SYNE1: variants seen among roughly 807,000 people sequenced by gnomAD.
SYNE1 encodes the protein nesprin-1.
In SYNE1, 616 loss-of-function variants were observed where a neutral mutation model predicts 1,111.0. The observed-to-expected ratio is 0.55, with a 90% CI of 0.52 to 0.59. The LOEUF is 0.59. Ranked by LOEUF, SYNE1 falls within the 20% of genes least tolerant of loss-of-function variation. The pLI is 0.00. For missense variants in SYNE1, 10,006 were observed against 10,417.0 expected (o/e 0.96, Z 1.72); for synonymous variants, 3,855 against 3,825.8 (o/e 1.01, Z -0.28).
chr6:152,235,392 G>A (rs971342846), intron 110 of SYNE1, among the ~76,000 whole-genome samples: 3 of 152,122 alleles, frequency 2.0e-5, no homozygotes, highest in East Asian at 1.9e-4. Flanking sequence ...ATGGAGTTTC[G>A]CTCTTGTTGC....
intron 73 of SYNE1, among the ~76,000 whole-genome samples, chr6:152,345,801 T>C (rs928262154): frequency 1.1e-4 from 16 of 152,324 alleles, no homozygotes; most frequent in African/African-American, 3.6e-4. Flanking sequence ...CCTATTTTAG[T>C]AAGTTTTTGT....
chr6:152,579,548 G>T (rs561366773), intron 3 of SYNE1, among the ~76,000 whole-genome samples: 1 of 152,208 alleles, frequency 6.6e-6, no homozygotes, highest in Admixed American at 6.5e-5. Context: ...TTCAGGGGGT[G>T]CATGTACAGG....
chr6:152,503,321 A>G (rs942692966), intron 9 of SYNE1, among the ~76,000 whole-genome samples: 1 of 152,174 alleles, frequency 6.6e-6, no homozygotes, highest in Non-Finnish European at 1.5e-5. Flanking sequence ...CATTCTCTCC[A>G]AATTACAGTG....
chr6:152,268,917 A>G (rs1159257183), intron 99 of SYNE1, among the ~76,000 whole-genome samples: 1 of 152,248 alleles, frequency 6.6e-6, no homozygotes, highest in East Asian at 1.9e-4. Flanking sequence ...GAGCCATGTT[A>G]CACTATTTGT....
chr6:152,237,701 A>C (rs1195934739), intron 108 of SYNE1, among the ~76,000 whole-genome samples: 1 of 152,244 alleles, frequency 6.6e-6, no homozygotes, highest in Non-Finnish European at 1.5e-5. Context: ...CGAGTAAACA[A>C]ATCAATTACA....
Position 152,353,656 on chromosome 6 carries a change from T to C in SYNE1, c.11015A>G (p.Asn3672Ser). Residue 3672 changes from asparagine to serine, a missense_variant, in exon 68 of 146, where the codon AAC (asparagine) becomes AGC (serine). Asn to Ser is a conservative substitution (Grantham distance 46). Coordinates refer to ENST00000367255, the MANE Select transcript of SYNE1 (RefSeq NM_182961.4). ...GGTGGCCTGGCAACCCATTCTGCTG[T>C]TCACGTGGCTCTCGTCCAGTATCTC... ...AQEILDESHV[N>S]SRMGCQATQL... The C allele has an allele frequency of 6.2e-7, 1 of 1,614,204 alleles. No homozygotes were observed. The highest frequency in any genetic ancestry group is 8.5e-7 in the Non-Finnish European group (1 of 1,180,046).
chr6:152,254,050 T>C (rs1588817297), intron 104 of SYNE1, among the ~76,000 whole-genome samples: 1 of 151,456 alleles, frequency 6.6e-6, no homozygotes, highest in African/African-American at 2.4e-5. Context: ...TATATATTCA[T>C]AGGAAAAGTT....
intron 105 of SYNE1, 129 bp from the exon 106 acceptor site, chr6:152,244,785 C>A (rs1186914087): frequency 3.9e-6 from 5 of 1,279,160 alleles, no homozygotes; most frequent in Non-Finnish European, 4.5e-6. Context: ...CAAAAGGAAT[C>A]ATTTCAATAA....
rs568512911 is a variant in SYNE1, at chr6:152,401,152, A to G, written c.7015T>C (p.Leu2339=). The G allele has an allele frequency of 2.7e-5, 44 of 1,614,082 alleles. 1 individual carries two copies. The South Asian group carries it at 4.7e-4, about 17-fold the overall frequency. Residue 2339 remains leucine, a synonymous_variant, in exon 47 of 146, where the codon TTG becomes CTG. Coordinates refer to ENST00000367255, the MANE Select transcript of SYNE1 (RefSeq NM_182961.4). ...NCAQNETCEA[L]KKVKDIQKEL... ...TTATTACCTACCTTGACTTTTTTCAATGCTTCACAAGTCTCATTTTGGGCA... is the reference window on the plus strand; with the variant it reads ...TTATTACCTACCTTGACTTTTTTCAGTGCTTCACAAGTCTCATTTTGGGCA...
In SYNE1 at chr6:152,214,989, G is replaced by C; in HGVS notation, c.22263C>G (p.Pro7421=). The C allele has an allele frequency of 1.9e-6, 3 of 1,614,072 alleles. No homozygotes were observed. The highest frequency in any genetic ancestry group is 1.1e-5 in the South Asian group (1 of 91,076). The change falls in exon 122 of 146, where the codon CCC becomes CCG. Residue 7421 remains proline, a synonymous_variant. Transcript: ENST00000367255. ...DRLNELGYRL[P]LNDKEIKRMQ... ...TTCTTTTGATTTCCTTATCATTCAA[G>C]GGTAACCTATATCCAAGCTCATTTA... is the stretch of plus-strand genomic sequence containing the variant.
In SYNE1 at chr6:152,510,320, C is replaced by T. The variant is rs750659947; in HGVS notation, c.454G>A (p.Ala152Thr). The change falls in exon 8 of 146, where the codon GCA becomes ACA. Residue 152 changes from alanine to threonine, a missense_variant. Ala to Thr is a moderately conservative substitution (Grantham distance 58). Coordinates refer to ENST00000367255, the MANE Select transcript of SYNE1 (RefSeq NM_182961.4). ...CTAACTATGCTGTCCACGGAGGATG[C>T]GCTGCTGGACAAAGACTGGAGCTGG... ...LPQLQSLSSS[A>T]SSVDSIVSSE... The T allele has an allele frequency of 1.9e-5, 30 of 1,613,740 alleles. No individual in the cohort carries two copies. Among genetic ancestry groups the T allele is most frequent in the African/African-American group, 2.7e-5 (2 of 74,846 alleles).
chr6:152,204,255 C>T (rs561973392), intron 126 of SYNE1, among the ~76,000 whole-genome samples: 33 of 151,518 alleles, frequency 2.2e-4, no homozygotes, highest in Non-Finnish European at 4.4e-4. Context: ...ATCCCACCTA[C>T]TTGAGAGGCT....
chr6:152,164,477 T>C (rs568803637), intron 130 of SYNE1, 152 bp from the exon 131 acceptor site: 5 of 899,866 alleles, frequency 5.6e-6, no homozygotes, highest in Non-Finnish European at 8.5e-6. Context: ...CAAAGGAGGA[T>C]AGAAATTAGA....
At position 152,330,182 on chromosome 6, in the gene SYNE1, C is replaced by A; in HGVS notation, c.14503G>T (p.Val4835Leu). The A allele has an allele frequency of 1.2e-6, 2 of 1,614,206 alleles. No homozygotes were observed. Among genetic ancestry groups the A allele is most frequent in the Non-Finnish European group, 1.7e-6 (2 of 1,180,042 alleles). The change falls in exon 78 of 146, where the codon GTA (valine) becomes TTA (leucine). Residue 4835 changes from valine to leucine, a missense_variant. Val to Leu is a conservative substitution (Grantham distance 32, BLOSUM62 1). Around this residue, in one of 7 missense-constraint regions of SYNE1, gnomAD observed 4,955 missense variants for 5,017.2 expected, o/e 0.99. Transcript: ENST00000367255. ...GCAAGATCTTCAAGATGTATGGTTA[C>A]TCGTTTCAGTACAATCCCTGAGTCC... Reference protein sequence around the residue: ...LQDSGIVLKRVTIHLEDLAPH... With the variant: ...LQDSGIVLKRLTIHLEDLAPH...
rs767722883 is a variant in SYNE1, at chr6:152,143,770, G to A, written c.24977-5C>T. 7.9e-5 allele frequency: 127 copies of A among 1,614,014 alleles called. No individual in the cohort carries two copies. Among genetic ancestry groups the A allele is most frequent in the African/African-American group, 1.7e-4 (13 of 74,900 alleles). On this transcript the variant is annotated splice_polypyrimidine_tract_variant and splice_region_variant and intron_variant, in intron 137 of 145. Transcript: ENST00000367255. ...ACTCTAGGGCACTGTGGTCCCCTGC[G>A]GTGGCAACCATAAGAATCTTTACTG...
At chr6:152,636,469 C>T (rs1161078863) in intron 2 of SYNE1, among the ~76,000 whole-genome samples, 169 bp downstream of exon 2, 3 of 152,272 alleles carry the variant, frequency 2.0e-5, no homozygotes, top group East Asian at 1.9e-4. Context: ...ATGAGTATCG[C>T]ACACGTACAC....
Position 152,352,266 on chromosome 6 carries a change from C to T in SYNE1, c.11341G>A (p.Gly3781Ser), listed in dbSNP as rs1210388961. ...GERAVKYLEE[G>S]EAERLRKEIH... ...TCCTTTCTTAACCTCTCTGCCTCGC[C>T]TTCCTCCAAGTATTTAACAGCCCTC... Residue 3781 changes from glycine to serine, a missense_variant, in exon 70 of 146, where the codon GGC (glycine) becomes AGC (serine). By Grantham distance (56) the Gly-to-Ser change is moderately conservative. Transcript: ENST00000367255. 2 of 1,614,176 alleles carry T rather than the reference C, an allele frequency of 1.2e-6. No individual in the cohort carries two copies. The highest frequency in any genetic ancestry group is 2.2e-5 in the South Asian group (2 of 91,074).
At chr6:152,629,546 G>A (rs2099694027) in intron 2 of SYNE1, among the ~76,000 whole-genome samples, 1 of 112,782 alleles carries the variant, frequency 8.9e-6, no homozygotes, top group Non-Finnish European at 1.9e-5. Flanking sequence ...GGAGGGGGAG[G>A]GGAGGAGGGG....
In SYNE1 at chr6:152,628,462, C is replaced by T; in HGVS notation, c.-131G>A. 1 of 876,430 alleles carries T rather than the reference C, an allele frequency of 1.1e-6. No homozygotes were observed. The highest frequency in any genetic ancestry group is 1.9e-6 in the Non-Finnish European group (1 of 529,408). 54.3% of individuals were successfully genotyped at this position (876,430 alleles called of 1,614,324 possible). A position where few individuals can be genotyped will look rare whatever the true frequency, so the allele number is the denominator to read the frequency against. On this transcript the variant is annotated 5_prime_UTR_variant, in exon 3 of 146. Coordinates refer to ENST00000367255, the MANE Select transcript of SYNE1 (RefSeq NM_182961.4). ...GTCATAAATGAATTCCAGGCCTTTG[C>T]AGCACTCAACAAGGAGGCAGCTCTC...
Sources: gnomAD v4.1 joint callset for allele counts (sites outside exome capture counted in the v4.1 genomes callset) on GRCh38, gnomAD v4.1.1 for gene constraint, gnomAD v4.1.1 regional missense constraint, MANE v1.5 for transcripts, NCBI Gene and HGNC (gene_info 2026-07-23, HGNC 2026-07-21) for gene names.